The following CHD1 variants were observed in gnomAD, a reference collection of about 807,000 sequenced individuals.
The protein encoded by CHD1 is ATP-dependent chromatin remodeler CHD1.
Under a neutral mutation model 224.2 loss-of-function variants are expected in CHD1, and 36 were observed. That is an observed-to-expected ratio of 0.16 (90% CI 0.12 to 0.21). The LOEUF (loss-of-function observed/expected upper bound fraction) is 0.21, where lower values mean the gene tolerates loss of function less well. Ranked by LOEUF, CHD1 falls within the 10% of genes least tolerant of loss-of-function variation. CHD1 has a pLI of 1.00. For missense variants in CHD1, 1,378 were observed against 1,994.8 expected (o/e 0.69, Z 5.89); for synonymous variants, 668 against 658.3 (o/e 1.01, Z -0.23).
Position 98,858,190 on chromosome 5 carries a change from G to C in CHD1, c.4777C>G (p.Gln1593Glu). 1.2e-6 allele frequency: 2 copies of C among 1,612,872 alleles called. No individual in the cohort carries two copies. Among genetic ancestry groups the C allele is most frequent in the Non-Finnish European group, 1.7e-6 (2 of 1,179,094 alleles). The change falls in exon 35 of 36, where the codon CAA (glutamine) becomes GAA (glutamate). Residue 1593 changes from glutamine to glutamate, a missense_variant. Coordinates refer to ENST00000614616, the MANE Select transcript of CHD1 (RefSeq NM_001270.4). The part of the protein sequence containing the change: ...KDHRDWDHYK[Q>E]DSRYYSDREK... ...GACTGCCAAGTTTACCTGCTGTCTT[G>C]CTTGTAGTGATCCCAATCACGATGG...
chr5:98,878,488 A>T (rs537950466), intron 23 of CHD1, among the ~76,000 whole-genome samples: 1 of 152,374 alleles, frequency 6.6e-6, no homozygotes, highest in East Asian at 1.9e-4. Flanking sequence ...AAAATCTTAT[A>T]TCCTAAAAAC....
intron 17 of CHD1, 191 bp from the exon 18 acceptor site, chr5:98,885,840 G>A: frequency 3.7e-6 from 2 of 535,378 alleles, no homozygotes; most frequent in Admixed American, 3.4e-5. Flanking sequence ...CACTAAGACT[G>A]CACCCTCAAG....
chr5:98,857,559 A>G (rs1748132935), intron 35 of CHD1, among the ~76,000 whole-genome samples: 1 of 152,112 alleles, frequency 6.6e-6, no homozygotes, highest in Admixed American at 6.5e-5. Context: ...TAAATACTAT[A>G]AATCTCAGTT....
intron 31 of CHD1, among the ~76,000 whole-genome samples, chr5:98,866,784 G>A (rs945200209): frequency 2.6e-5 from 4 of 152,064 alleles, no homozygotes; most frequent in African/African-American, 4.8e-5. Flanking sequence ...TTCAGTTGTG[G>A]CTTGTAAGGA....
chr5:98,883,268 AT>A, intron 18 of CHD1, 31 bp from the exon 19 acceptor site: 1 of 1,497,084 alleles, frequency 6.7e-7, no homozygotes, highest in Non-Finnish European at 9.0e-7. Flanking sequence ...AAAATGAAAA[AT>A]TTTTCAATTG....
chr5:98,858,050 A>C (rs1748172602), intron 35 of CHD1, 130 bp downstream of exon 35: 2 of 660,982 alleles, frequency 3.0e-6, no homozygotes, highest in South Asian at 4.0e-5. Context: ...ATTATATACA[A>C]CACCTTTATT....
intron 15 of CHD1, among the ~76,000 whole-genome samples, chr5:98,890,335 T>C (rs1407929770): frequency 6.6e-6 from 1 of 152,038 alleles, no homozygotes; most frequent in Non-Finnish European, 1.5e-5. Context: ...TACAGGCAGT[T>C]CCCCAAAACT....
intron 3 of CHD1, among the ~76,000 whole-genome samples, chr5:98,904,648 A>G (rs1427382597): frequency 2.6e-5 from 4 of 152,230 alleles, no homozygotes; most frequent in Non-Finnish European, 5.9e-5. Flanking sequence ...TTTCTGCCTA[A>G]GAGGCAGAAA....
rs114800626 is a variant in CHD1, at chr5:98,915,421, T to C, written c.54-10323A>G. The stretch of plus-strand genomic sequence containing the variant: ...GAGAGATACTAGGAAGAGTAACTTT[T>C]AACATGACTAATTTCAAAGATGATT... On this transcript the variant is annotated intron_variant, in intron 2 of 35. Transcript: ENST00000614616. Among the ~76,000 whole-genome samples, 200 of 152,348 alleles carry C rather than the reference T, an allele frequency of 1.3e-3. 1 individual carries two copies. Among genetic ancestry groups the C allele is most frequent in the Non-Finnish European group, 2.5e-3 (171 of 68,028 alleles).
At chr5:98,867,960 A>C (rs1749023387) in intron 31 of CHD1, among the ~76,000 whole-genome samples, 1 of 150,908 alleles carries the variant, frequency 6.6e-6, no homozygotes, top group Non-Finnish European at 1.5e-5. Context: ...TCGCCAACAC[A>C]CCCAGTTAAT....
intron 2 of CHD1, among the ~76,000 whole-genome samples, chr5:98,908,214 C>G (rs1464172660): frequency 6.6e-6 from 1 of 152,160 alleles, no homozygotes; most frequent in Non-Finnish European, 1.5e-5. Context: ...GCCACTTACT[C>G]TTTCCACTTC....
chr5:98,888,970 G>A lies in CHD1; in HGVS notation c.2343+106C>T, dbSNP rs1442507729. 8 of 637,210 alleles carry A rather than the reference G, an allele frequency of 1.3e-5. No homozygotes were observed. The East Asian group carries it at 1.4e-4, about 11-fold the overall frequency. 39.5% of individuals were successfully genotyped at this position (637,210 alleles called of 1,614,324 possible). ...TTATAGAAAGGCACCATTAACTAAA[G>A]AGAACTTTTATCCAATAAGTTAAAG... On this transcript the variant is annotated intron_variant, in intron 16 of 35. Coordinates refer to ENST00000614616, the MANE Select transcript of CHD1 (RefSeq NM_001270.4).
chr5:98,864,138 C>T (rs1405416090), intron 31 of CHD1, among the ~76,000 whole-genome samples: 1 of 152,032 alleles, frequency 6.6e-6, no homozygotes, highest in East Asian at 1.9e-4. Flanking sequence ...CTGTACATTC[C>T]TGACATGCTA....
In CHD1 at chr5:98,902,141, G is replaced by GA. The variant is rs1157077441; in HGVS notation, c.437+758dup. Reference sequence around the variant, plus strand: ...GTTTCCGTTGTGTATTTTTATAATGGAAAAAAAACTGGATGATCCAATATA... The same window carrying GA: ...GTTTCCGTTGTGTATTTTTATAATGGAAAAAAAAACTGGATGATCCAATATA... On this transcript the variant is annotated intron_variant, in intron 5 of 35. Coordinates refer to ENST00000614616, the MANE Select transcript of CHD1 (RefSeq NM_001270.4). Among the ~76,000 whole-genome samples the GA allele has an allele frequency of 3.3e-5, 5 of 151,332 alleles. 1 individual carries two copies. In the South Asian group the frequency reaches 6.3e-4, roughly 19 times the overall value.
chr5:98,866,282 C>G (rs1342079322), intron 31 of CHD1, among the ~76,000 whole-genome samples: 1 of 152,074 alleles, frequency 6.6e-6, no homozygotes, highest in African/African-American at 2.4e-5. Flanking sequence ...TGAATGTCTC[C>G]AATACTCCCA....
At position 98,901,020 on chromosome 5, in the gene CHD1, T is replaced by C; in HGVS notation, c.650A>G (p.Glu217Gly). 1 of 1,612,492 alleles carries C rather than the reference T, an allele frequency of 6.2e-7. No homozygotes were observed. The highest frequency in any genetic ancestry group is 8.5e-7 in the Non-Finnish European group (1 of 1,179,478). Residue 217 changes from glutamate to glycine, a missense_variant, in exon 7 of 36, where the codon GAG becomes GGG. Transcript: ENST00000614616. ...ATAATCTTCTTCATCATCATCCTCC[T>C]CAGATGAATCAATCTGTCTCTTTTT... is the stretch of plus-strand genomic sequence containing the variant. ...GQKKRQIDSS[E>G]EDDDEEDYDN...
intron 2 of CHD1, among the ~76,000 whole-genome samples, chr5:98,922,470 A>T (rs1344687259): frequency 6.6e-6 from 1 of 152,204 alleles, no homozygotes; most frequent in African/African-American, 2.4e-5. Context: ...AGACAGAAAG[A>T]ATAGTTAAAA....
At chr5:98,919,654 A>G (rs1047900936) in intron 2 of CHD1, among the ~76,000 whole-genome samples, 4 of 152,230 alleles carry the variant, frequency 2.6e-5, no homozygotes, top group African/African-American at 7.2e-5. Context: ...TTACAAAGCA[A>G]TAAGAAAGAA....
chr5:98,884,941 A>G (rs1750542962), intron 18 of CHD1, among the ~76,000 whole-genome samples: 1 of 151,548 alleles, frequency 6.6e-6, no homozygotes, highest in African/African-American at 2.4e-5. Context: ...ACTGTTTCCC[A>G]GGGTGGTCTC....
Sources: gnomAD v4.1 joint callset for allele counts (sites outside exome capture counted in the v4.1 genomes callset) on GRCh38, gnomAD v4.1.1 for gene constraint, MANE v1.5 for transcripts, NCBI Gene and HGNC (gene_info 2026-07-23, HGNC 2026-07-21) for gene names.